PBX3: variants seen among roughly 807,000 people sequenced by gnomAD.
PBX3 encodes PBX homeobox 3.
PBX3 carries 14 observed loss-of-function variants against 48.5 expected under a neutral mutation model. The ratio of observed to expected loss-of-function variants is 0.29; its 90% confidence interval spans 0.19 to 0.45. The LOEUF (loss-of-function observed/expected upper bound fraction) is 0.45, where lower values mean the gene tolerates loss of function less well. PBX3 is among the 20% of genes least tolerant of loss of function. PBX3 has a pLI of 1.00. For synonymous variants in PBX3, 210 were observed against 200.3 expected (o/e 1.05, Z -0.41); for missense variants, 386 against 546.7 (o/e 0.71, Z 2.93).
chr9:125,786,857 T>C lies in PBX3; in HGVS notation c.274+38234T>C, dbSNP rs1244405952. ...CTCTCACCTCAGCCTCCTGAGTAGC[T>C]GAGATTACAGGTGCACACCACCACA... is the stretch of plus-strand genomic sequence containing the variant. On this transcript the variant is annotated intron_variant, in intron 2 of 8. Transcript: ENST00000373489. Among the ~76,000 whole-genome samples, 6 of 151,804 alleles carry C rather than the reference T, an allele frequency of 4.0e-5. No homozygotes were observed. In the East Asian group the frequency reaches 9.7e-4, roughly 24 times the overall value.
At chr9:125,780,508 T>G (rs1476093030) in intron 2 of PBX3, among the ~76,000 whole-genome samples, 2 of 94,124 alleles carry the variant, frequency 2.1e-5, no homozygotes, top group Admixed American at 2.4e-4. Flanking sequence ...TCTGGCCGGG[T>G]GGGGGGCTAA....
intron 2 of PBX3, among the ~76,000 whole-genome samples, chr9:125,804,476 G>A (rs1328772452): frequency 6.6e-6 from 1 of 152,086 alleles, no homozygotes; most frequent in Non-Finnish European, 1.5e-5. Context: ...TAGGGACACC[G>A]TGACATGAAG....
intron 2 of PBX3, among the ~76,000 whole-genome samples, chr9:125,765,546 A>G (rs1836780728): frequency 6.6e-6 from 1 of 152,204 alleles, no homozygotes; most frequent in African/African-American, 2.4e-5. Flanking sequence ...AAAGGGCAGA[A>G]GACTAGTTGA....
intron 2 of PBX3, among the ~76,000 whole-genome samples, chr9:125,834,138 A>G (rs1388747600): frequency 2.0e-5 from 3 of 152,256 alleles, no homozygotes; most frequent in African/African-American, 7.2e-5. Flanking sequence ...GACAGATAAT[A>G]AATAAGTCAA....
chr9:125,944,986 G>A (rs1842035520), intron 5 of PBX3, among the ~76,000 whole-genome samples: 2 of 152,200 alleles, frequency 1.3e-5, no homozygotes, highest in Admixed American at 6.5e-5. Context: ...ACTTTGGGAA[G>A]CTGAGGCGGG....
intron 2 of PBX3, among the ~76,000 whole-genome samples, chr9:125,791,896 A>G (rs1023090508): frequency 6.6e-6 from 1 of 152,100 alleles, no homozygotes; most frequent in African/African-American, 2.4e-5. Flanking sequence ...CTCAAAAAAA[A>G]AAAAAAGTTT....
intron 2 of PBX3, among the ~76,000 whole-genome samples, chr9:125,889,952 G>T (rs1004458450): frequency 1.3e-5 from 2 of 151,264 alleles, no homozygotes; most frequent in African/African-American, 4.8e-5. Context: ...CGGCGGCCCC[G>T]GCTGCGCCCC....
At chr9:125,851,765 T>C (rs1394217849) in intron 2 of PBX3, among the ~76,000 whole-genome samples, 3 of 152,102 alleles carry the variant, frequency 2.0e-5, no homozygotes, top group Non-Finnish European at 4.4e-5. Flanking sequence ...TGAAATCAAT[T>C]ATTTCTTGGG....
intron 2 of PBX3, among the ~76,000 whole-genome samples, chr9:125,872,386 A>T (rs1840145794): frequency 6.6e-6 from 1 of 152,210 alleles, no homozygotes; most frequent in Non-Finnish European, 1.5e-5. Flanking sequence ...GACATCCCTT[A>T]TATGAAAGGG....
At chr9:125,962,063 GCT>G (rs748756731) in intron 6 of PBX3, 37 bp from the exon 7 acceptor site, 2 of 1,012,370 alleles carry the variant, frequency 2.0e-6, no homozygotes, top group African/African-American at 3.2e-5. Context: ...TATGTGTGTA[GCT>G]CTCTGTTATT....
At chr9:125,963,788 G>A (rs1468824069) in intron 8 of PBX3, among the ~76,000 whole-genome samples, 2 of 152,084 alleles carry the variant, frequency 1.3e-5, no homozygotes, top group Non-Finnish European at 2.9e-5. Flanking sequence ...GCTCACGGTA[G>A]TAGACTCAGG....
intron 2 of PBX3, among the ~76,000 whole-genome samples, chr9:125,889,984 C>A (rs138883110): frequency 6.6e-6 from 1 of 151,822 alleles, no homozygotes; most frequent in Non-Finnish European, 1.5e-5. Flanking sequence ...TGACCTTAGC[C>A]GGCTGCGGCC....
chr9:125,901,061 C>T (rs974834240), intron 2 of PBX3, among the ~76,000 whole-genome samples: 1 of 151,758 alleles, frequency 6.6e-6, no homozygotes, highest in East Asian at 1.9e-4. Context: ...TTATTTGACA[C>T]TATCCCAGAA....
intron 2 of PBX3, among the ~76,000 whole-genome samples, chr9:125,812,604 C>T (rs1415749682): frequency 6.6e-6 from 1 of 152,194 alleles, no homozygotes; most frequent in African/African-American, 2.4e-5. Context: ...TCCTGTTTTA[C>T]GCTTTTGCGT....
intron 2 of PBX3, among the ~76,000 whole-genome samples, chr9:125,836,453 A>G (rs565372910): frequency 6.6e-6 from 1 of 152,266 alleles, no homozygotes; most frequent in Admixed American, 6.5e-5. Context: ...TCAAAAAAAA[A>G]AATTGATCTT....
At chr9:125,956,720 T>C (rs184730718) in intron 5 of PBX3, among the ~76,000 whole-genome samples, 1 of 152,236 alleles carries the variant, frequency 6.6e-6, no homozygotes, top group South Asian at 2.1e-4. Context: ...GCCCTTTGCC[T>C]TGGGCACAAT....
At chr9:125,894,303 G>A (rs758901707) in intron 2 of PBX3, among the ~76,000 whole-genome samples, 5 of 152,010 alleles carry the variant, frequency 3.3e-5, no homozygotes, top group Admixed American at 6.6e-5. Flanking sequence ...TGTTGTTTTC[G>A]ACAGTAAATT....
At chr9:125,834,805 C>T (rs1034691722) in intron 2 of PBX3, among the ~76,000 whole-genome samples, 1 of 150,004 alleles carries the variant, frequency 6.7e-6, no homozygotes, top group African/African-American at 2.4e-5. Flanking sequence ...CACCTGAGGT[C>T]AGGAGTTTGA....
At chr9:125,834,151 A>C (rs777356955) in intron 2 of PBX3, among the ~76,000 whole-genome samples, 6 of 152,224 alleles carry the variant, frequency 3.9e-5, no homozygotes, top group Admixed American at 1.3e-4. Context: ...TAAGTCAATA[A>C]ATAGAATAAT....
Sources: allele counts gnomAD v4.1 joint callset (sites outside exome capture counted in the v4.1 genomes callset), GRCh38; gene constraint gnomAD v4.1.1; transcripts MANE v1.5; gene names NCBI Gene and HGNC (gene_info 2026-07-23, HGNC 2026-07-21).